The following FOXP2 variants were observed in gnomAD, a reference collection of about 807,000 sequenced individuals.
FOXP2 encodes forkhead box P2.
FOXP2 carries 12 observed loss-of-function variants against 115.8 expected under a neutral mutation model. The ratio of observed to expected loss-of-function variants is 0.10; its 90% confidence interval spans 0.07 to 0.17. FOXP2 has a LOEUF of 0.17. Ranked by LOEUF, FOXP2 falls within the 10% of genes least tolerant of loss-of-function variation. The pLI, the probability that FOXP2 is intolerant of heterozygous loss-of-function variation, is 1.00. For synonymous variants in FOXP2, 328 were observed against 297.7 expected (o/e 1.10, Z -1.05); for missense variants, 629 against 843.5 (o/e 0.75, Z 3.15).
chr7:114,223,411 T>G (rs891024561), intron 1 of FOXP2, among the ~76,000 whole-genome samples: 1 of 149,982 alleles, frequency 6.7e-6, no homozygotes, highest in African/African-American at 2.4e-5. Flanking sequence ...ATGTTTTTTT[T>G]GTCGCTTTCC....
chr7:114,591,413 A>G (rs1388430731), intron 3 of FOXP2, among the ~76,000 whole-genome samples: 1 of 152,066 alleles, frequency 6.6e-6, no homozygotes, highest in Non-Finnish European at 1.5e-5. Context: ...GGCAGGCTAT[A>G]GTTTTTAGTG....
intron 2 of FOXP2, among the ~76,000 whole-genome samples, chr7:114,325,439 T>C (rs1797532264): frequency 1.3e-5 from 2 of 151,952 alleles, no homozygotes; most frequent in African/African-American, 2.4e-5. Context: ...CTGGATCACA[T>C]GGTAAATTTC....
chr7:114,354,551 A>G (rs1007808095), intron 2 of FOXP2, among the ~76,000 whole-genome samples: 16 of 152,094 alleles, frequency 1.1e-4, no homozygotes, highest in African/African-American at 3.9e-4. Flanking sequence ...TCCTCCCTTC[A>G]CCCAGACTGT....
chr7:114,405,885 T>C (rs1027171322), intron 2 of FOXP2, among the ~76,000 whole-genome samples: 2 of 151,894 alleles, frequency 1.3e-5, no homozygotes, highest in Non-Finnish European at 3.0e-5. Flanking sequence ...CTCTTTTTAA[T>C]CATGTGATAC....
chr7:114,478,259 A>C (rs1199139487), intron 2 of FOXP2, among the ~76,000 whole-genome samples: 2 of 151,818 alleles, frequency 1.3e-5, no homozygotes, highest in Non-Finnish European at 2.9e-5. Flanking sequence ...CTACAATACC[A>C]ATGTTTTGGG....
At chr7:114,425,919 C>T (rs531312109) in intron 1 of FOXP2, among the ~76,000 whole-genome samples, 2 of 151,626 alleles carry the variant, frequency 1.3e-5, no homozygotes, top group Non-Finnish European at 3.0e-5. Flanking sequence ...CTTAAAATGC[C>T]TCCAAGGCAA....
intron 3 of FOXP2, among the ~76,000 whole-genome samples, chr7:114,550,216 G>C (rs1027717289): frequency 2.1e-5 from 3 of 144,960 alleles, no homozygotes; most frequent in Non-Finnish European, 4.5e-5. Flanking sequence ...CTCCTGGGTT[G>C]ACGCCATTCT....
At chr7:114,502,994 A>G (rs1469233336) in intron 2 of FOXP2, among the ~76,000 whole-genome samples, 1 of 152,018 alleles carries the variant, frequency 6.6e-6, no homozygotes, top group Admixed American at 6.6e-5. Context: ...GTCTGTTACA[A>G]TTCTCTCACT....
At chr7:114,091,266 G>A (rs959345364) in intron 1 of FOXP2, among the ~76,000 whole-genome samples, 3 of 151,800 alleles carry the variant, frequency 2.0e-5, no homozygotes, top group Admixed American at 6.6e-5. Context: ...TAATGAAGAG[G>A]TTAGTGGTAG....
Position 114,625,353 on chromosome 7 carries a change from G to A in FOXP2, c.259-3187G>A, listed in dbSNP as rs138045199. On this transcript the variant is annotated intron_variant, in intron 3 of 16. Transcript: ENST00000350908. The stretch of plus-strand genomic sequence containing the variant: ...CTCTTCTATGTCACACGTCTAAATT[G>A]TGATCCCTTATTAGAATATTTGCAT... 3.2e-4 allele frequency among the ~76,000 whole-genome samples: 49 copies of A among 151,828 alleles called. 1 individual carries two copies. In the East Asian group the frequency reaches 6.2e-3, roughly 19 times the overall value.
intron 2 of FOXP2, among the ~76,000 whole-genome samples, chr7:114,386,200 T>C (rs1369921242): frequency 6.6e-6 from 1 of 151,968 alleles, no homozygotes; most frequent in Non-Finnish European, 1.5e-5. Context: ...AAAGCTCAGC[T>C]CGAGCCATAA....
intron 16 of FOXP2, chr7:114,668,999 G>A (rs1488070995): frequency 3.3e-5 from 5 of 151,810 alleles, no homozygotes; most frequent in Non-Finnish European, 5.9e-5. Flanking sequence ...TTTTTATGTG[G>A]GAGCTAGGAA....
intron 2 of FOXP2, among the ~76,000 whole-genome samples, chr7:114,534,394 CTT>C (rs1448363893): frequency 6.6e-6 from 1 of 151,698 alleles, no homozygotes; most frequent in East Asian, 1.9e-4. Context: ...AACAAATTAA[CTT>C]TATTTCCTGT....
At chr7:114,135,677 C>A (rs1273063867) in intron 1 of FOXP2, among the ~76,000 whole-genome samples, 1 of 151,974 alleles carries the variant, frequency 6.6e-6, no homozygotes, top group Non-Finnish European at 1.5e-5. Context: ...TTCAGTGACC[C>A]AAGTAGTGTT....
rs1801609195 is a variant in FOXP2, at chr7:114,576,998, G to A, written c.258+42292G>A. Among the ~76,000 whole-genome samples the A allele has an allele frequency of 2.0e-5, 3 of 151,768 alleles. No individual in the cohort carries two copies. In the South Asian group the frequency reaches 6.2e-4, roughly 31 times the overall value. ...TCTAAGCAATTATATAAAAGAGTGT[G>A]CATGTGTCTTTATTCAATTCTATGT... On this transcript the variant is annotated intron_variant, in intron 3 of 16. Transcript: ENST00000350908.
chr7:114,404,719 T>C (rs1289999822), intron 2 of FOXP2, among the ~76,000 whole-genome samples: 1 of 152,078 alleles, frequency 6.6e-6, no homozygotes, highest in Admixed American at 6.6e-5. Flanking sequence ...TTAATTCAAA[T>C]AAAATTTGTG....
intron 7 of FOXP2, among the ~76,000 whole-genome samples, chr7:114,644,141 A>G (rs1003477159): frequency 5.9e-5 from 9 of 152,194 alleles, no homozygotes; most frequent in Non-Finnish European, 1.5e-5. Context: ...TCACTTATCA[A>G]AAGTCTTCAA....
At chr7:114,439,702 G>T (rs563023561) in intron 2 of FOXP2, among the ~76,000 whole-genome samples, 1 of 151,964 alleles carries the variant, frequency 6.6e-6, no homozygotes, top group East Asian at 1.9e-4. Flanking sequence ...GCACCACCAC[G>T]CCTAGCTCCT....
chr7:114,532,788 A>G (rs543871267), intron 2 of FOXP2, among the ~76,000 whole-genome samples: 2 of 152,032 alleles, frequency 1.3e-5, no homozygotes, highest in Admixed American at 6.6e-5. Flanking sequence ...CATGAAAACA[A>G]TTAGGCATTA....
Sources: gnomAD v4.1 joint callset for allele counts (sites outside exome capture counted in the v4.1 genomes callset) on GRCh38, gnomAD v4.1.1 for gene constraint, MANE v1.5 for transcripts, NCBI Gene and HGNC (gene_info 2026-07-23, HGNC 2026-07-21) for gene names.